Variants in OSBP2 observed in about 807,000 individuals in gnomAD.
OSBP2 encodes oxysterol-binding protein 2.
In OSBP2, 66 loss-of-function variants were observed where a neutral mutation model predicts 96.0. That is an observed-to-expected ratio of 0.69 (90% CI 0.56 to 0.84). The LOEUF is 0.84. Among genes scored for constraint, OSBP2 ranks in the 40% least tolerant of loss-of-function variants. The probability of loss-of-function intolerance (pLI) is 0.00; values close to 1 mark genes in which losing one functional copy is unlikely to be tolerated. For synonymous variants in OSBP2, 525 were observed against 520.9 expected (o/e 1.01, Z -0.11); for missense variants, 1,038 against 1,222.7 (o/e 0.85, Z 2.25).
chr22:30,846,477 T>C (rs2038873704), intron 2 of OSBP2, among the ~76,000 whole-genome samples: 1 of 152,156 alleles, frequency 6.6e-6, no homozygotes, highest in African/African-American at 2.4e-5. Context: ...ATTCCCACAG[T>C]ATGAGAGTTC....
At chr22:30,746,983 C>T (rs1343884539) in intron 2 of OSBP2, among the ~76,000 whole-genome samples, 1 of 152,202 alleles carries the variant, frequency 6.6e-6, no homozygotes, top group Non-Finnish European at 1.5e-5. Flanking sequence ...CCAAGTGGGA[C>T]TTACCCCAGG....
intron 2 of OSBP2, among the ~76,000 whole-genome samples, chr22:30,797,722 A>G (rs2090785137): frequency 1.3e-5 from 2 of 151,852 alleles, no homozygotes; most frequent in Admixed American, 1.3e-4. Flanking sequence ...CTCCTGAGTA[A>G]CTAGGACTAC....
chr22:30,805,392 G>A (rs1333318483), intron 2 of OSBP2, among the ~76,000 whole-genome samples: 2 of 152,250 alleles, frequency 1.3e-5, no homozygotes, highest in African/African-American at 2.4e-5. Flanking sequence ...AGCAATAGCT[G>A]TGTGATGTTA....
intron 2 of OSBP2, among the ~76,000 whole-genome samples, chr22:30,824,996 C>G (rs1174531085): frequency 6.6e-6 from 1 of 152,160 alleles, no homozygotes; most frequent in African/African-American, 2.4e-5. Flanking sequence ...CTCAGTTGCC[C>G]CCATCCTTGC....
At chr22:30,901,846 G>A (rs991311556) in intron 12 of OSBP2, among the ~76,000 whole-genome samples, 8 of 152,024 alleles carry the variant, frequency 5.3e-5, no homozygotes, top group African/African-American at 1.9e-4. Context: ...CCTGGACGAC[G>A]AGTGAAATTC....
At chr22:30,803,260 C>T (rs1387307058) in intron 2 of OSBP2, 1 of 153,524 alleles carries the variant, frequency 6.5e-6, no homozygotes, top group African/African-American at 2.4e-5. Flanking sequence ...TTCCCTTCCC[C>T]GTTGTAAATT....
At chr22:30,825,013 G>A (rs1161552165) in intron 2 of OSBP2, among the ~76,000 whole-genome samples, 9 of 152,168 alleles carry the variant, frequency 5.9e-5, no homozygotes, top group Non-Finnish European at 5.9e-5. Flanking sequence ...TTGCAAACAA[G>A]GGGAAGCGTG....
At position 30,887,507 on chromosome 22, in the gene OSBP2, G is replaced by A. The variant is rs200799345; in HGVS notation, c.1189G>A (p.Val397Met). 104 of 1,613,786 alleles carry A rather than the reference G, an allele frequency of 6.4e-5. 2 individuals carry two copies. In the East Asian group the frequency reaches 1.4e-3, roughly 22 times the overall value. Residue 397 changes from valine to methionine, a missense_variant, in exon 4 of 14, where the codon GTG becomes ATG. Val to Met is a conservative substitution (Grantham distance 21). Transcript: ENST00000332585. The stretch of plus-strand genomic sequence containing the variant: ...ACTGCAGTATGAGCAGGAGCAGCGC[G>A]TGCACTTGGAGGAAACCATTGAGCA... Reference protein sequence around the residue: ...RALQYEQEQRVHLEETIEQLA... With the variant: ...RALQYEQEQRMHLEETIEQLA...
intron 12 of OSBP2, among the ~76,000 whole-genome samples, chr22:30,905,626 G>T (rs2040314000): frequency 6.6e-6 from 1 of 152,272 alleles, no homozygotes; most frequent in African/African-American, 2.4e-5. Context: ...AGCATGGGAG[G>T]TGTGGGGAGC....
At chr22:30,789,502 T>G (rs2090643156) in intron 2 of OSBP2, among the ~76,000 whole-genome samples, 1 of 152,096 alleles carries the variant, frequency 6.6e-6, no homozygotes, top group African/African-American at 2.4e-5. Context: ...AGTGAATGAG[T>G]GATTTCCTCG....
intron 1 of OSBP2, among the ~76,000 whole-genome samples, chr22:30,724,644 T>A (rs370746186): frequency 5.9e-5 from 9 of 152,342 alleles, no homozygotes; most frequent in African/African-American, 2.2e-4. Flanking sequence ...GCATGCGTAT[T>A]TTGGCAGTTA....
In OSBP2 at chr22:30,898,862, TTAATAA is replaced by T. The variant is rs35162134; in HGVS notation, c.2375+4883_2375+4888del. On this transcript the variant is annotated intron_variant, in intron 12 of 13. Coordinates refer to ENST00000332585, the MANE Select transcript of OSBP2 (RefSeq NM_030758.4). ...AATATGGCAAGATATCATCTTTATA[TTAATAA>T]TAATAATAATAATAATAATAAAAGC... is the stretch of plus-strand genomic sequence containing the variant. Among the ~76,000 whole-genome samples, 1,015 of 146,586 alleles carry T rather than the reference TTAATAA, an allele frequency of 6.9e-3. 1 individual carries two copies. The highest frequency in any genetic ancestry group is 0.01 in the Non-Finnish European group (698 of 66,850).
intron 2 of OSBP2, among the ~76,000 whole-genome samples, chr22:30,773,970 G>C (rs962540401): frequency 6.6e-6 from 1 of 152,172 alleles, no homozygotes; most frequent in African/African-American, 2.4e-5. Context: ...GTGGGGGCCA[G>C]GGATGCTTGG....
At chr22:30,898,249 G>A (rs1280165400) in intron 12 of OSBP2, among the ~76,000 whole-genome samples, 3 of 152,044 alleles carry the variant, frequency 2.0e-5, no homozygotes, top group Non-Finnish European at 4.4e-5. Context: ...ATACTCAGGA[G>A]GACTGAGGTG....
intron 1 of OSBP2, among the ~76,000 whole-genome samples, chr22:30,700,044 C>T (rs1479426501): frequency 6.6e-6 from 1 of 151,166 alleles, no homozygotes; most frequent in East Asian, 1.9e-4. Flanking sequence ...CTCACTGTGA[C>T]CTCTGCCTCC....
At chr22:30,781,364 T>TC (rs2090517286) in intron 2 of OSBP2, among the ~76,000 whole-genome samples, 1 of 151,814 alleles carries the variant, frequency 6.6e-6, no homozygotes, top group Non-Finnish European at 1.5e-5. Flanking sequence ...GCAGCCCTGC[T>TC]CCCCCCACCT....
chr22:30,778,087 C>T (rs1169934310), intron 2 of OSBP2, among the ~76,000 whole-genome samples: 4 of 151,402 alleles, frequency 2.6e-5, no homozygotes, highest in Non-Finnish European at 2.9e-5. Flanking sequence ...CTCTGCCTCC[C>T]GGGTTCAAGA....
chr22:30,850,195 A>G (rs1238784356), intron 2 of OSBP2, among the ~76,000 whole-genome samples: 1 of 151,836 alleles, frequency 6.6e-6, no homozygotes, highest in African/African-American at 2.4e-5. Flanking sequence ...AGTCCCAGCT[A>G]CTTGGGAGGC....
At chr22:30,762,082 A>G (rs2090210971) in intron 2 of OSBP2, among the ~76,000 whole-genome samples, 1 of 151,932 alleles carries the variant, frequency 6.6e-6, no homozygotes, top group Non-Finnish European at 1.5e-5. Context: ...TTAGCCAGGC[A>G]TAGTGGTGTG....
Sources: gnomAD v4.1 joint callset for allele counts (sites outside exome capture counted in the v4.1 genomes callset) on GRCh38, gnomAD v4.1.1 for gene constraint, MANE v1.5 for transcripts, NCBI Gene and HGNC (gene_info 2026-07-23, HGNC 2026-07-21) for gene names.